Variants in TBX15 observed in about 807,000 individuals in gnomAD.
The protein encoded by TBX15 is T-box transcription factor TBX15.
A neutral mutation model predicts 53.9 loss-of-function variants in TBX15; 18 were observed. That is an observed-to-expected ratio of 0.33 (90% CI 0.23 to 0.49). The LOEUF is 0.49. TBX15 is among the 20% of genes least tolerant of loss of function. The pLI is 0.98. For missense variants in TBX15, 692 were observed against 749.5 expected, an observed-to-expected ratio of 0.92 and a Z score of 0.90; for synonymous variants, 295 against 278.0, an observed-to-expected ratio of 1.06 and a Z score of -0.61.
At chr1:118,926,360 C>A in intron 3 of TBX15, 150 bp downstream of exon 3, 2 of 748,370 alleles carry the variant, frequency 2.7e-6, no homozygotes, top group East Asian at 5.5e-5. Flanking sequence ...ACTTTTTCCA[C>A]CTGGTGCTCT....
chr1:118,895,615 C>T (rs1654397145), intron 7 of TBX15, among the ~76,000 whole-genome samples: 1 of 152,140 alleles, frequency 6.6e-6, no homozygotes, highest in Non-Finnish European at 1.5e-5. Context: ...TGCTCCTTGT[C>T]ACTAGCAGTG....
At chr1:118,982,036 C>A (rs1254703459) in intron 1 of TBX15, among the ~76,000 whole-genome samples, 1 of 152,172 alleles carries the variant, frequency 6.6e-6, no homozygotes, top group Non-Finnish European at 1.5e-5. Context: ...ATGGGAAAAT[C>A]ATTTAAGTAT....
rs139558322 is a variant in TBX15, at chr1:118,890,462, C to T, written c.1025-4946G>A. ...CTGTAGGATCTGTAGGATCAATCTC[C>T]TACAGCACCAGCTCCCTTCATCCTA... is the stretch of plus-strand genomic sequence containing the variant. On this transcript the variant is annotated intron_variant, in intron 7 of 7. Coordinates refer to ENST00000369429, the MANE Select transcript of TBX15 (RefSeq NM_001330677.2). Among the ~76,000 whole-genome samples the T allele has an allele frequency of 2.8e-3, 420 of 152,244 alleles. 1 individual carries two copies. The highest frequency in any genetic ancestry group is 9.5e-3 in the African/African-American group (396 of 41,546).
chr1:118,967,864 C>T (rs10923713), intron 1 of TBX15, among the ~76,000 whole-genome samples: 85,087 of 152,086 alleles, frequency 0.56, 24,608 homozygotes, highest in Non-Finnish European at 0.61. Context: ...AAATAACAAG[C>T]TGTATTTGCC....
chr1:118,928,283 A>G (rs1655666650), intron 2 of TBX15, among the ~76,000 whole-genome samples: 1 of 152,140 alleles, frequency 6.6e-6, no homozygotes, highest in East Asian at 1.9e-4. Context: ...ATGCATAACT[A>G]TTTCATCTTT....
intron 5 of TBX15, among the ~76,000 whole-genome samples, chr1:118,914,891 C>T (rs1241182718): frequency 6.6e-6 from 1 of 152,190 alleles, no homozygotes; most frequent in Non-Finnish European, 1.5e-5. Context: ...GAGCCAGTTT[C>T]ATAAGGCTGA....
intron 2 of TBX15, among the ~76,000 whole-genome samples, chr1:118,928,750 A>G (rs1358101561): frequency 6.6e-6 from 1 of 152,204 alleles, no homozygotes; most frequent in Admixed American, 6.5e-5. Flanking sequence ...TTTTTAATTC[A>G]ATATCTGTTC....
intron 7 of TBX15, among the ~76,000 whole-genome samples, chr1:118,891,551 C>T (rs1349831590): frequency 1.3e-5 from 2 of 152,132 alleles, no homozygotes; most frequent in Non-Finnish European, 2.9e-5. Flanking sequence ...GTGACTCAGG[C>T]CTGGACAATC....
At chr1:118,931,924 T>C (rs1188183489) in intron 1 of TBX15, 92 bp from the exon 2 acceptor site, 4 of 1,274,194 alleles carry the variant, frequency 3.1e-6, no homozygotes, top group Non-Finnish European at 4.4e-6. Context: ...TGCAATGAAG[T>C]GGGGAGAGGG....
intron 7 of TBX15, among the ~76,000 whole-genome samples, chr1:118,889,677 C>T (rs959672849): frequency 6.6e-6 from 1 of 152,146 alleles, no homozygotes; most frequent in Non-Finnish European, 1.5e-5. Flanking sequence ...TTAGCAACTC[C>T]AAGCCTTTTA....
At position 118,948,388 on chromosome 1, in the gene TBX15, C is replaced by T. The variant is rs570897496; in HGVS notation, c.206-16556G>A. Among the ~76,000 whole-genome samples the T allele has an allele frequency of 2.0e-5, 3 of 152,228 alleles. No individual in the cohort carries two copies. In the South Asian group the frequency reaches 6.2e-4, roughly 32 times the overall value. ...TCTAATTATTTTCAGCAAAAGAAGG[C>T]TTTGCTCAATCCAATGGCAAAATGT... On this transcript the variant is annotated intron_variant, in intron 1 of 7. Transcript: ENST00000369429.
At chr1:118,958,381 G>A (rs74668342) in intron 1 of TBX15, among the ~76,000 whole-genome samples, 2 of 152,134 alleles carry the variant, frequency 1.3e-5, no homozygotes, top group African/African-American at 4.8e-5. Flanking sequence ...TGTTGTTTAA[G>A]GCTCCCAGTC....
At chr1:118,893,369 GA>G (rs1359864489) in intron 7 of TBX15, among the ~76,000 whole-genome samples, 3 of 87,864 alleles carry the variant, frequency 3.4e-5, no homozygotes, top group African/African-American at 9.2e-5. Flanking sequence ...AAGAAAGAAA[GA>G]AAGAAAGAAA....
chr1:118,921,323 T>TTATC (rs1355834534), intron 5 of TBX15, among the ~76,000 whole-genome samples: 1 of 152,220 alleles, frequency 6.6e-6, no homozygotes, highest in Non-Finnish European at 1.5e-5. Context: ...TTGGTAAAGA[T>TTATC]TATCTGGTGA....
chr1:118,946,261 A>C (rs912507595), intron 1 of TBX15, among the ~76,000 whole-genome samples: 1 of 152,082 alleles, frequency 6.6e-6, no homozygotes, highest in Non-Finnish European at 1.5e-5. Context: ...ATAAAGAAAA[A>C]ATTTATTATA....
intron 1 of TBX15, among the ~76,000 whole-genome samples, chr1:118,958,797 A>G (rs1048762008): frequency 1.3e-5 from 2 of 151,938 alleles, no homozygotes; most frequent in Non-Finnish European, 2.9e-5. Flanking sequence ...CCCGGCCACT[A>G]CCTCCTCTGC....
chr1:118,969,812 ACT>A (rs1335943405), intron 1 of TBX15, among the ~76,000 whole-genome samples: 2 of 151,944 alleles, frequency 1.3e-5, no homozygotes, highest in Non-Finnish European at 2.9e-5. Context: ...GTGCAGAGAA[ACT>A]CTCTTTTCCC....
chr1:118,908,257 C>T (rs1654902146), intron 6 of TBX15, among the ~76,000 whole-genome samples: 2 of 151,918 alleles, frequency 1.3e-5, no homozygotes, highest in African/African-American at 4.8e-5. Flanking sequence ...GTTTTATTCT[C>T]TATTCCTGGC....
chr1:118,979,839 G>C (rs1460168044), intron 1 of TBX15, among the ~76,000 whole-genome samples: 1 of 152,166 alleles, frequency 6.6e-6, no homozygotes, highest in African/African-American at 2.4e-5. Context: ...GATGCGGCGA[G>C]GCGAGGCGAG....
Sources: gnomAD v4.1 joint callset for allele counts (sites outside exome capture counted in the v4.1 genomes callset) on GRCh38, gnomAD v4.1.1 for gene constraint, MANE v1.5 for transcripts, NCBI Gene and HGNC (gene_info 2026-07-23, HGNC 2026-07-21) for gene names.